TMEM244: variants seen among roughly 807,000 people sequenced by gnomAD.
TMEM244 encodes transmembrane protein 244, also known as putative transmembrane protein 244.
A neutral mutation model predicts 15.8 loss-of-function variants in TMEM244; 13 were observed. The observed-to-expected ratio is 0.82, with a 90% confidence interval of 0.53 to 1.30. TMEM244 has a LOEUF of 1.30. TMEM244 is among the 50% of genes most tolerant of loss of function. TMEM244 has a pLI of 0.00. For missense variants in TMEM244, 161 were observed against 144.9 expected (o/e 1.11, Z -0.57); for synonymous variants, 45 against 48.7 (o/e 0.92, Z 0.32).
chr6:129,842,847 A>G (rs934185017), intron 3 of TMEM244, among the ~76,000 whole-genome samples: 2 of 151,508 alleles, frequency 1.3e-5, no homozygotes, highest in South Asian at 2.1e-4. Context: ...AATGTTTTAC[A>G]TATATTCAAG....
At chr6:129,845,564 A>C (rs1776549535) in intron 2 of TMEM244, among the ~76,000 whole-genome samples, 1 of 152,214 alleles carries the variant, frequency 6.6e-6, no homozygotes, top group Non-Finnish European at 1.5e-5. Context: ...GGATCATTCA[A>C]GGCCAGGGAT....
intron 1 of TMEM244, among the ~76,000 whole-genome samples, chr6:129,852,602 C>T (rs2114644458): frequency 6.6e-6 from 1 of 152,290 alleles, no homozygotes; most frequent in Middle Eastern, 3.4e-3. Flanking sequence ...CAGCAAAGTC[C>T]TAGGGACCAG....
chr6:129,852,829 A>G (rs1776653021), intron 1 of TMEM244, among the ~76,000 whole-genome samples: 2 of 152,156 alleles, frequency 1.3e-5, no homozygotes, highest in Middle Eastern at 3.4e-3. Context: ...GCTCTTCTCC[A>G]TACGTGCCCC....
intron 1 of TMEM244, among the ~76,000 whole-genome samples, chr6:129,850,263 T>A (rs1474082582): frequency 6.6e-6 from 1 of 152,052 alleles, no homozygotes; most frequent in Non-Finnish European, 1.5e-5. Flanking sequence ...AGAGCTGAAG[T>A]CAGACGTGAA....
intron 3 of TMEM244, among the ~76,000 whole-genome samples, chr6:129,835,790 C>T (rs113025032): frequency 0.067 from 10,214 of 152,274 alleles, 433 homozygotes; most frequent in Non-Finnish European, 0.091. Context: ...ACCCACGGAG[C>T]CTTGCTCACT....
At chr6:129,854,963 C>T (rs1304095383) in intron 1 of TMEM244, among the ~76,000 whole-genome samples, 1 of 152,132 alleles carries the variant, frequency 6.6e-6, no homozygotes, top group Non-Finnish European at 1.5e-5. Flanking sequence ...TTAAGTGGTT[C>T]ACAAAGGTTA....
chr6:129,835,729 C>A (rs1776395403), intron 3 of TMEM244, among the ~76,000 whole-genome samples: 1 of 152,218 alleles, frequency 6.6e-6, no homozygotes, highest in Non-Finnish European at 1.5e-5. Flanking sequence ...ATAGTCTTAG[C>A]AACCGTCAGA....
intron 3 of TMEM244, among the ~76,000 whole-genome samples, chr6:129,840,973 G>A (rs868415225): frequency 6.6e-6 from 1 of 152,330 alleles, no homozygotes; most frequent in South Asian, 2.1e-4. Context: ...TACACTGTTG[G>A]TGGGAGTGTA....
intron 1 of TMEM244, among the ~76,000 whole-genome samples, chr6:129,848,075 C>T (rs1358693526): frequency 2.0e-5 from 3 of 152,066 alleles, no homozygotes; most frequent in Non-Finnish European, 4.4e-5. Flanking sequence ...CGCACCTGGC[C>T]TTCACATTCC....
intron 1 of TMEM244, among the ~76,000 whole-genome samples, chr6:129,857,308 ATG>A (rs1776726357): frequency 7.5e-6 from 1 of 133,268 alleles, no homozygotes; most frequent in Non-Finnish European, 1.7e-5. Flanking sequence ...TATATTTTAT[ATG>A]TGTGTATACA....
intron 1 of TMEM244, among the ~76,000 whole-genome samples, chr6:129,860,137 GTGTGTGTGTGTC>G (rs1278247921): frequency 2.0e-4 from 29 of 144,616 alleles, no homozygotes; most frequent in African/African-American, 5.4e-4. Context: ...GTGTGTGTGT[GTGTGTGTGTGTC>G]TGTCTGTCTG....
chr6:129,844,747 G>A (rs958583952), intron 2 of TMEM244, among the ~76,000 whole-genome samples: 3 of 152,204 alleles, frequency 2.0e-5, no homozygotes, highest in African/African-American at 7.2e-5. Flanking sequence ...TCCCAGGGAG[G>A]AGGCTGAGGC....
Position 129,859,270 on chromosome 6 carries a change from T to C in TMEM244, c.33+1886A>G, listed in dbSNP as rs559948453. Reference sequence around the variant, plus strand: ...GTATTCTGAACATGTATACAATTCTTAACATTAAGTACTGTATGTTCCCAA... The same window carrying C: ...GTATTCTGAACATGTATACAATTCTCAACATTAAGTACTGTATGTTCCCAA... On this transcript the variant is annotated intron_variant, in intron 1 of 4. Coordinates refer to ENST00000368143, the MANE Select transcript of TMEM244 (RefSeq NM_001010876.2). 2.6e-5 allele frequency among the ~76,000 whole-genome samples: 4 copies of C among 152,362 alleles called. No homozygotes were observed. In the East Asian group the frequency reaches 7.7e-4, roughly 29 times the overall value.
intron 1 of TMEM244, among the ~76,000 whole-genome samples, chr6:129,847,354 G>A (rs1776574713): frequency 6.6e-6 from 1 of 152,016 alleles, no homozygotes; most frequent in Non-Finnish European, 1.5e-5. Context: ...AACACCTTAG[G>A]ATTATTATTA....
At chr6:129,851,546 A>T (rs1776638272) in intron 1 of TMEM244, among the ~76,000 whole-genome samples, 1 of 152,202 alleles carries the variant, frequency 6.6e-6, no homozygotes, top group African/African-American at 2.4e-5. Context: ...CTGGGATTAC[A>T]GTCATGAGTC....
intron 1 of TMEM244, 88 bp from the exon 2 acceptor site, chr6:129,845,940 T>C (rs1584187472): frequency 1.1e-6 from 1 of 870,480 alleles, no homozygotes. Flanking sequence ...GATGAATGAT[T>C]ACTAGATAGT....
At chr6:129,856,397 A>C (rs530092513) in intron 1 of TMEM244, among the ~76,000 whole-genome samples, 1 of 152,176 alleles carries the variant, frequency 6.6e-6, no homozygotes, top group African/African-American at 2.4e-5. Context: ...GAAGCTTTAT[A>C]GTATGTTTTA....
intron 3 of TMEM244, among the ~76,000 whole-genome samples, chr6:129,837,593 A>G (rs1226779660): frequency 6.6e-6 from 1 of 152,246 alleles, no homozygotes; most frequent in Non-Finnish European, 1.5e-5. Context: ...TTAAATGTAA[A>G]TGGGCTAAAT....
intron 2 of TMEM244, among the ~76,000 whole-genome samples, chr6:129,845,355 G>T (rs1031430634): frequency 1.3e-5 from 2 of 152,170 alleles, no homozygotes; most frequent in Non-Finnish European, 2.9e-5. Context: ...AGGGAGTAAT[G>T]GGTTCGCTTT....
Sources: gnomAD v4.1 joint callset for allele counts (sites outside exome capture counted in the v4.1 genomes callset) on GRCh38, gnomAD v4.1.1 for gene constraint, MANE v1.5 for transcripts, NCBI Gene and HGNC (gene_info 2026-07-23, HGNC 2026-07-21) for gene names.